Variants in RIPOR2 observed in about 807,000 individuals in gnomAD.
RIPOR2 encodes RHO family interacting cell polarization regulator 2.
Under a neutral mutation model 114.5 loss-of-function variants are expected in RIPOR2, and 39 were observed. That is an observed-to-expected ratio of 0.34 (90% confidence interval 0.26 to 0.44). The LOEUF is 0.44. RIPOR2 is among the 20% of genes least tolerant of loss of function. The pLI is 1.00. For missense variants in RIPOR2, 1,007 were observed against 1,255.1 expected, an observed-to-expected ratio of 0.80 and a Z score of 2.99; for synonymous variants, 445 against 484.4, an observed-to-expected ratio of 0.92 and a Z score of 1.07.
chr6:24,892,694 A>G lies in RIPOR2; in HGVS notation c.62-16877T>C, dbSNP rs564625476. Among the ~76,000 whole-genome samples, 12 of 152,302 alleles carry G rather than the reference A, an allele frequency of 7.9e-5. No individual in the cohort carries two copies. The East Asian group carries it at 2.1e-3, about 27-fold the overall frequency. ...AAAGCAGGCAACAGATCTTCTCTGG[A>G]AAGATTTTCACAGGGCCTCAGACTT... is the stretch of plus-strand genomic sequence containing the variant. On this transcript the variant is annotated intron_variant, in intron 1 of 21. Transcript: ENST00000643898.
chr6:24,930,459 G>A (rs1771298017), intron 1 of RIPOR2, among the ~76,000 whole-genome samples: 1 of 152,294 alleles, frequency 6.6e-6, no homozygotes. Context: ...TTACCCTGAG[G>A]TCACTGGGGG....
chr6:24,841,663 G>A (rs937772669), intron 13 of RIPOR2, among the ~76,000 whole-genome samples: 4 of 149,866 alleles, frequency 2.7e-5, no homozygotes, highest in Admixed American at 6.7e-5. Context: ...TTTCACCCAG[G>A]CTGGAGTGCA....
chr6:24,869,013 A>T (rs966428698), intron 6 of RIPOR2, 81 bp downstream of exon 6: 19 of 749,490 alleles, frequency 2.5e-5, no homozygotes, highest in African/African-American at 2.5e-4. Flanking sequence ...TCCACGCACT[A>T]GATACTACGC....
At chr6:24,833,891 C>T (rs1306554520) in intron 15 of RIPOR2, among the ~76,000 whole-genome samples, 1 of 151,920 alleles carries the variant, frequency 6.6e-6, no homozygotes, top group Non-Finnish European at 1.5e-5. Context: ...TTAGTCTTTG[C>T]GAGAAAACAG....
Position 24,806,057 on chromosome 6 carries a change from C to T in RIPOR2, c.*316G>A, listed in dbSNP as rs1340576405. ...CTGAATCTTCTGGGCTCAAGCAATC[C>T]TCCCACCTTAGCCTCCCAAGTAGCT... On this transcript the variant is annotated 3_prime_UTR_variant, in exon 22 of 22. Coordinates refer to ENST00000643898, the MANE Select transcript of RIPOR2 (RefSeq NM_001286445.3). The T allele has an allele frequency of 1.1e-5, 3 of 262,760 alleles. No homozygotes were observed. The East Asian group carries it at 2.9e-4, about 26-fold the overall frequency. The allele number at this position is 262,760 out of a possible 1,614,324, so 16.3% of individuals were successfully genotyped here. A position where few individuals can be genotyped will look rare whatever the true frequency, so the allele number is the denominator to read the frequency against.
At chr6:25,030,587 T>C (rs1228523960) in intron 1 of RIPOR2, among the ~76,000 whole-genome samples, 1 of 152,198 alleles carries the variant, frequency 6.6e-6, no homozygotes. Context: ...TCTTGGATCA[T>C]GTTAAGTGAA....
At chr6:24,807,987 A>G (rs1348946009) in intron 21 of RIPOR2, among the ~76,000 whole-genome samples, 1 of 152,234 alleles carries the variant, frequency 6.6e-6, no homozygotes, top group Admixed American at 6.5e-5. Context: ...CTCAAACTTT[A>G]TATTAGAATC....
At chr6:24,895,191 T>C (rs1359881364) in intron 1 of RIPOR2, among the ~76,000 whole-genome samples, 1 of 152,156 alleles carries the variant, frequency 6.6e-6, no homozygotes, top group Non-Finnish European at 1.5e-5. Context: ...CAGCTGGGAT[T>C]ACAGGCACAC....
At chr6:24,959,499 G>T (rs1773204008) in intron 1 of RIPOR2, among the ~76,000 whole-genome samples, 1 of 152,148 alleles carries the variant, frequency 6.6e-6, no homozygotes, top group Admixed American at 6.5e-5. Context: ...CAGGAGGGTG[G>T]CCTCACTTCT....
At chr6:24,879,646 T>G (rs943746597) in intron 1 of RIPOR2, among the ~76,000 whole-genome samples, 2 of 152,106 alleles carry the variant, frequency 1.3e-5, no homozygotes, top group African/African-American at 4.8e-5. Context: ...GTAGAGGTAT[T>G]AGGGACAAAA....
chr6:24,897,886 A>G (rs1464321967), intron 1 of RIPOR2, among the ~76,000 whole-genome samples: 1 of 152,020 alleles, frequency 6.6e-6, no homozygotes, highest in Admixed American at 6.5e-5. Flanking sequence ...CAGCCTCCCA[A>G]GTAGCTGGGA....
intron 1 of RIPOR2, among the ~76,000 whole-genome samples, chr6:24,886,316 A>T (rs1766831784): frequency 6.6e-6 from 1 of 152,186 alleles, no homozygotes; most frequent in Admixed American, 6.5e-5. Context: ...ACATTCACTG[A>T]CTATCGTAGT....
upstream of RIPOR2, among the ~76,000 whole-genome samples, chr6:24,939,508 AGC>A (rs1174998277): frequency 6.6e-6 from 1 of 152,234 alleles, no homozygotes; most frequent in East Asian, 1.9e-4. Flanking sequence ...TGGCACTTAA[AGC>A]AGAAAGGAGA....
At chr6:24,894,465 C>T (rs144624287) in intron 1 of RIPOR2, among the ~76,000 whole-genome samples, 2 of 152,330 alleles carry the variant, frequency 1.3e-5, no homozygotes, top group African/African-American at 4.8e-5. Context: ...TCTCCATTCT[C>T]CTTTAGCTAA....
intron 1 of RIPOR2, among the ~76,000 whole-genome samples, chr6:25,041,688 A>G (rs567070420): frequency 1.3e-5 from 2 of 152,222 alleles, no homozygotes; most frequent in Admixed American, 1.3e-4. Context: ...GAGAGTCGGT[A>G]AAAAAATACC....
At chr6:25,011,730 C>G (rs1427482880) in intron 1 of RIPOR2, among the ~76,000 whole-genome samples, 2 of 152,154 alleles carry the variant, frequency 1.3e-5, no homozygotes, top group Non-Finnish European at 2.9e-5. Flanking sequence ...TAAATACTAG[C>G]TAAAAATGGA....
intron 17 of RIPOR2, 34 bp downstream of exon 17, chr6:24,830,475 G>T (rs1468743922): frequency 6.6e-7 from 1 of 1,526,414 alleles, no homozygotes; most frequent in South Asian, 1.2e-5. Flanking sequence ...TCACACTGAA[G>T]GACAGAAATT....
At chr6:24,890,070 T>C (rs1040929740) in intron 1 of RIPOR2, among the ~76,000 whole-genome samples, 2 of 152,042 alleles carry the variant, frequency 1.3e-5, no homozygotes, top group African/African-American at 4.8e-5. Context: ...ATTTTTTGTA[T>C]TTTTAGTAGA....
At chr6:24,871,005 T>A in intron 4 of RIPOR2, 116 bp from the exon 5 acceptor site, 1 of 574,632 alleles carries the variant, frequency 1.7e-6, no homozygotes, top group Non-Finnish European at 2.9e-6. Context: ...TGATCATCCC[T>A]ACAAAATTCT....
Sources: allele counts gnomAD v4.1 joint callset (sites outside exome capture counted in the v4.1 genomes callset), GRCh38; gene constraint gnomAD v4.1.1; transcripts MANE v1.5; gene names NCBI Gene and HGNC (gene_info 2026-07-23, HGNC 2026-07-21).